BLTP1: variants seen among roughly 807,000 people sequenced by gnomAD.
BLTP1 encodes the protein fragile site-associated protein.
At chr4:122,345,875 T>TA in the BLTP1 span, 1 of 185,460 alleles carries the variant, frequency 5.4e-6, no homozygotes. Context: ...TAAACTTAAG[T>TA]ATAAGTTGTA....
At chr4:122,355,871 G>A in the BLTP1 span, 16 of 1,612,840 alleles carry the variant, frequency 9.9e-6, no homozygotes, top group Non-Finnish European at 1.4e-5. Flanking sequence ...AGTTTGTTGA[G>A]TGGATTCAGA....
the BLTP1 span, chr4:122,245,042 T>C: frequency 6.2e-7 from 1 of 1,610,820 alleles, no homozygotes; most frequent in Non-Finnish European, 8.5e-7. Flanking sequence ...AATGGTTCAT[T>C]GTGCTAGTAC....
At chr4:122,273,171 A>G in the BLTP1 span, 4 of 933,706 alleles carry the variant, frequency 4.3e-6, no homozygotes, top group Non-Finnish European at 3.8e-6. Flanking sequence ...ATCAATCACC[A>G]TGTGTTTTTA....
At chr4:122,222,718 T>C in the BLTP1 span, among the ~76,000 whole-genome samples, 1 of 152,076 alleles carries the variant, frequency 6.6e-6, no homozygotes, top group Admixed American at 6.6e-5. Flanking sequence ...TCTCCTCTTA[T>C]AGGGATACCA....
the BLTP1 span, among the ~76,000 whole-genome samples, chr4:122,196,116 T>C: frequency 2.6e-5 from 4 of 152,224 alleles, no homozygotes; most frequent in African/African-American, 9.6e-5. Context: ...TTTAATGATA[T>C]AATATTGATT....
At chr4:122,205,953 A>G in the BLTP1 span, 1 of 985,054 alleles carries the variant, frequency 1.0e-6, no homozygotes, top group Non-Finnish European at 1.2e-6. Flanking sequence ...TGTGGAGGCC[A>G]GAAGATAAAG....
chr4:122,271,103 A>G, the BLTP1 span: 1 of 1,613,890 alleles, frequency 6.2e-7, no homozygotes, highest in Non-Finnish European at 8.5e-7. Flanking sequence ...TGTAATGGAA[A>G]AGTCCGTGTG....
chr4:122,229,107 C>CT, the BLTP1 span: 1 of 1,570,750 alleles, frequency 6.4e-7, no homozygotes, highest in Non-Finnish European at 8.6e-7. Flanking sequence ...ATGTACAATC[C>CT]TTTTTTATTT....
the BLTP1 span, chr4:122,249,696 A>T: frequency 6.2e-7 from 1 of 1,613,232 alleles, no homozygotes; most frequent in South Asian, 1.1e-5. Context: ...AGCATTTTTT[A>T]TTGAATTCTG....
At chr4:122,312,923 GAGGAAGGTCTT>G in the BLTP1 span, 1 of 865,936 alleles carries the variant, frequency 1.2e-6, no homozygotes, top group African/African-American at 1.8e-5. Context: ...AAGGATGACT[GAGGAAGGTCTT>G]AATTCTATGT....
At chr4:122,180,142 G>C in the BLTP1 span, 1 of 985,140 alleles carries the variant, frequency 1.0e-6, no homozygotes, top group Non-Finnish European at 1.2e-6. Context: ...GGACAAAGGA[G>C]GTAAATAAAT....
the BLTP1 span, chr4:122,331,529 T>C: frequency 2.5e-6 from 4 of 1,610,566 alleles, no homozygotes; most frequent in South Asian, 1.1e-5. Context: ...CATGATGATA[T>C]AAGTTTGAGA....
At chr4:122,242,622 A>G in the BLTP1 span, among the ~76,000 whole-genome samples, 153 of 152,290 alleles carry the variant, frequency 1.0e-3, 3 homozygotes, top group East Asian at 0.027. Context: ...ATACAAGACT[A>G]GTTTTTCCTA....
At chr4:122,173,199 G>A in the BLTP1 span, 8 of 1,582,586 alleles carry the variant, frequency 5.1e-6, no homozygotes, top group Non-Finnish European at 6.9e-6. Flanking sequence ...ATAATCTTGA[G>A]ATGTTGTCTT....
chr4:122,350,135 T>A, the BLTP1 span: 2 of 1,526,244 alleles, frequency 1.3e-6, no homozygotes, highest in East Asian at 4.9e-5. Context: ...GTTACATTTT[T>A]AATTTAAAAT....
chr4:122,353,239 CTGTT>C, the BLTP1 span: 1 of 1,540,070 alleles, frequency 6.5e-7, no homozygotes, highest in Non-Finnish European at 8.7e-7. This position sits in a 1 kb window ranked among gnomAD's most constrained non-coding sequence, Gnocchi z 4.3. Flanking sequence ...AAGTCCATCT[CTGTT>C]TGTTATCATG....
the BLTP1 span, chr4:122,178,065 A>G: frequency 1.2e-6 from 1 of 868,908 alleles, no homozygotes; most frequent in Non-Finnish European, 1.4e-6. Context: ...TCTTTCTCCT[A>G]GTCATACTTC....
At chr4:122,341,894 A>G in the BLTP1 span, 1 of 761,906 alleles carries the variant, frequency 1.3e-6, no homozygotes, top group Non-Finnish European at 1.6e-6. Flanking sequence ...GAACTGGGGG[A>G]ATGGACACTC....
chr4:122,202,512 G>A, the BLTP1 span: 36 of 917,422 alleles, frequency 3.9e-5, no homozygotes, highest in Admixed American at 6.2e-5. Context: ...AACTCAAGTA[G>A]TCTGGCTCAA....
Sources: allele counts gnomAD v4.1 joint callset (sites outside exome capture counted in the v4.1 genomes callset), GRCh38; gene constraint gnomAD v4.1.1; non-coding constraint Gnocchi (gnomAD v3.1); transcripts MANE v1.5; gene names NCBI Gene and HGNC (gene_info 2026-07-23, HGNC 2026-07-21).